The following ATOSB variants were observed in gnomAD, a reference collection of about 807,000 sequenced individuals.
The protein encoded by ATOSB is atos homolog protein B.
chr9:35,106,628 G>C, the ATOSB span: 17 of 1,553,676 alleles, frequency 1.1e-5, no homozygotes, highest in Non-Finnish European at 1.4e-5. The surrounding 1 kb of genome is among the most constrained non-coding windows in gnomAD (Gnocchi z 4.6). Context: ...CCTTCCGGAG[G>C]CTTCGAAGGG....
At chr9:35,106,068 C>T in the ATOSB span, 2 of 1,560,560 alleles carry the variant, frequency 1.3e-6, no homozygotes, top group African/African-American at 1.4e-5. The surrounding 1 kb of genome is among the most constrained non-coding windows in gnomAD (Gnocchi z 4.6). Context: ...GGGCCCTAAA[C>T]ACATGTCCCT....
At chr9:35,114,438 G>A in the ATOSB span, among the ~76,000 whole-genome samples, 31 of 151,768 alleles carry the variant, frequency 2.0e-4, no homozygotes, top group African/African-American at 7.3e-4. Context: ...AGGCTGGCTT[G>A]GGGCCCCTTT....
At chr9:35,105,876 A>C in the ATOSB span, 2 of 1,614,000 alleles carry the variant, frequency 1.2e-6, no homozygotes, top group Non-Finnish European at 1.7e-6. The surrounding 1 kb of genome is among the most constrained non-coding windows in gnomAD (Gnocchi z 5.5). Flanking sequence ...AGGACAGTCA[A>C]GGTTGGTAGG....
At chr9:35,106,987 C>A in the ATOSB span, 5 of 1,085,412 alleles carry the variant, frequency 4.6e-6, no homozygotes, top group Admixed American at 2.1e-5. This position sits in a 1 kb window ranked among gnomAD's most constrained non-coding sequence, Gnocchi z 4.6. Flanking sequence ...ACACCCTGCC[C>A]CCCAGGCCTC....
chr9:35,112,150 C>T, the ATOSB span, among the ~76,000 whole-genome samples: 1 of 152,226 alleles, frequency 6.6e-6, no homozygotes, highest in African/African-American at 2.4e-5. Context: ...TATCTCCTTC[C>T]ATGTTAAGAA....
chr9:35,105,914 A>C, the ATOSB span: 1 of 1,613,310 alleles, frequency 6.2e-7, no homozygotes, highest in Non-Finnish European at 8.5e-7. This position sits in a 1 kb window ranked among gnomAD's most constrained non-coding sequence, Gnocchi z 5.5. Flanking sequence ...CTCTCTCCCC[A>C]CTCCCACTCC....
chr9:35,105,334 C>T, the ATOSB span: 5 of 1,613,996 alleles, frequency 3.1e-6, no homozygotes, highest in South Asian at 5.5e-5. The surrounding 1 kb of genome is among the most constrained non-coding windows in gnomAD (Gnocchi z 5.5). Context: ...AGGCGGATAT[C>T]TCCATGCAGG....
At chr9:35,108,752 A>G in the ATOSB span, 5 of 951,436 alleles carry the variant, frequency 5.3e-6, no homozygotes, top group Non-Finnish European at 6.3e-6. Context: ...GGAGAGAAGA[A>G]CAGACGTAAG....
At chr9:35,111,300 CGCTGCTCCGGG>C in the ATOSB span, 1 of 154,448 alleles carries the variant, frequency 6.5e-6, no homozygotes, top group Non-Finnish European at 1.4e-5. Context: ...CGGAGGTGGC[CGCTGCTCCGGG>C]CCCTTCCGTC....
chr9:35,106,832 C>G, the ATOSB span: 2 of 1,567,760 alleles, frequency 1.3e-6, no homozygotes, highest in Non-Finnish European at 1.7e-6. This position sits in a 1 kb window ranked among gnomAD's most constrained non-coding sequence, Gnocchi z 4.6. Context: ...TGGTCACTTA[C>G]AGCTTCAGGC....
the ATOSB span, chr9:35,107,694 G>A: frequency 1.0e-5 from 16 of 1,607,920 alleles, no homozygotes; most frequent in African/African-American, 1.3e-5. Context: ...CCCTATTTGT[G>A]CAAGACTGTG....
the ATOSB span, chr9:35,107,847 G>A: frequency 6.3e-7 from 1 of 1,598,320 alleles, no homozygotes; most frequent in Admixed American, 1.7e-5. Flanking sequence ...GGGGCAGGGG[G>A]GACTCCAGGC....
the ATOSB span, chr9:35,116,268 G>T: frequency 6.6e-6 from 1 of 152,280 alleles, no homozygotes; most frequent in East Asian, 1.9e-4. Context: ...TCACCCGGGC[G>T]GTCGCACTCC....
At chr9:35,108,625 G>C in the ATOSB span, 5 of 1,060,028 alleles carry the variant, frequency 4.7e-6, no homozygotes, top group Non-Finnish European at 5.7e-6. Flanking sequence ...CTAGCTGTGC[G>C]TCCCCTCTTC....
the ATOSB span, chr9:35,107,658 C>T: frequency 6.2e-7 from 1 of 1,607,264 alleles, no homozygotes; most frequent in Non-Finnish European, 8.5e-7. Context: ...ACCCCCATTG[C>T]CCACCCCAGC....
the ATOSB span, chr9:35,107,833 A>G: frequency 6.3e-7 from 1 of 1,595,186 alleles, no homozygotes; most frequent in East Asian, 2.2e-5. Context: ...GAAGCATTTG[A>G]TGGGGGGCAG....
the ATOSB span, chr9:35,112,458 T>A: frequency 1.3e-5 from 2 of 152,106 alleles, no homozygotes; most frequent in Non-Finnish European, 2.9e-5. Context: ...CTCAAAACTA[T>A]CCACCCTCCC....
chr9:35,114,573 G>A, the ATOSB span, among the ~76,000 whole-genome samples: 2 of 152,230 alleles, frequency 1.3e-5, no homozygotes, highest in Non-Finnish European at 2.9e-5. Flanking sequence ...AAGCAGAGGA[G>A]CCCTCAAGAG....
the ATOSB span, chr9:35,107,841 C>A: frequency 1.3e-6 from 2 of 1,597,664 alleles, no homozygotes; most frequent in Non-Finnish European, 1.7e-6. Flanking sequence ...TGATGGGGGG[C>A]AGGGGGGACT....
Sources: allele counts gnomAD v4.1 joint callset (sites outside exome capture counted in the v4.1 genomes callset), GRCh38; gene constraint gnomAD v4.1.1; non-coding constraint Gnocchi (gnomAD v3.1); transcripts MANE v1.5; gene names NCBI Gene and HGNC (gene_info 2026-07-23, HGNC 2026-07-21).